PLXNA4: variants seen among roughly 807,000 people sequenced by gnomAD.
PLXNA4 encodes plexin A4, also known as plexin-A4.
In PLXNA4, 44 loss-of-function variants were observed where a neutral mutation model predicts 191.8. That is an observed-to-expected ratio of 0.23 (90% CI 0.18 to 0.29). The LOEUF is 0.29. PLXNA4 is among the 10% of genes least tolerant of loss of function. The pLI, the probability that PLXNA4 is intolerant of heterozygous loss-of-function variation, is 1.00. For synonymous variants in PLXNA4, 1,082 were observed against 1,009.5 expected, an observed-to-expected ratio of 1.07 and a Z score of -1.36; for missense variants, 1,800 against 2,488.8, an observed-to-expected ratio of 0.72 and a Z score of 5.89.
chr7:132,429,547 C>T (rs953528435), intron 3 of PLXNA4, among the ~76,000 whole-genome samples: 3 of 152,108 alleles, frequency 2.0e-5, no homozygotes, highest in African/African-American at 7.2e-5. Flanking sequence ...GACACTGTAA[C>T]TTGAATTTCA....
intron 3 of PLXNA4, among the ~76,000 whole-genome samples, chr7:132,299,125 T>G (rs1469368651): frequency 6.6e-6 from 1 of 152,218 alleles, no homozygotes; most frequent in Admixed American, 6.5e-5. Flanking sequence ...GCGCAGTCAG[T>G]GCTAAAAACA....
intron 3 of PLXNA4, among the ~76,000 whole-genome samples, chr7:132,333,773 T>A (rs549278146): frequency 6.6e-6 from 1 of 152,198 alleles, no homozygotes; most frequent in East Asian, 1.9e-4. Context: ...TTCCCAAGGG[T>A]CCTGTGGGGA....
At chr7:132,279,559 C>T (rs1036036005) in intron 4 of PLXNA4, among the ~76,000 whole-genome samples, 1 of 151,944 alleles carries the variant, frequency 6.6e-6, no homozygotes, top group Admixed American at 6.6e-5. Flanking sequence ...TGCTTGAGCC[C>T]GGTGGGGTTA....
intron 1 of PLXNA4, among the ~76,000 whole-genome samples, chr7:132,561,279 T>TTCCTCCTCCTCCTCCTTCTCC (rs1801028435): frequency 1.3e-5 from 2 of 150,880 alleles, no homozygotes; most frequent in Admixed American, 6.6e-5. Context: ...GATGCCCCTC[T>TTCCTCCTCCTCCTCCTTCTCC]TCCTCCTCCT....
intron 2 of PLXNA4, among the ~76,000 whole-genome samples, chr7:132,586,587 C>T (rs986172918): frequency 3.3e-5 from 5 of 152,102 alleles, no homozygotes; most frequent in African/African-American, 1.2e-4. Context: ...CCCTTCTGTA[C>T]TAAAAATACA....
At chr7:132,442,943 G>T (rs1317780109) in intron 3 of PLXNA4, among the ~76,000 whole-genome samples, 3 of 152,174 alleles carry the variant, frequency 2.0e-5, no homozygotes, top group Admixed American at 1.3e-4. Context: ...GCACCAGTAG[G>T]GTCCTATTGG....
chr7:132,340,005 A>C (rs553638213), intron 3 of PLXNA4, among the ~76,000 whole-genome samples: 4 of 152,198 alleles, frequency 2.6e-5, no homozygotes, highest in Non-Finnish European at 4.4e-5. Flanking sequence ...CTCACTCAGC[A>C]TCCCTGCCTA....
intron 15 of PLXNA4, 33 bp from the exon 16 acceptor site, chr7:132,185,496 T>C (rs371539068): frequency 5.0e-6 from 8 of 1,594,448 alleles, no homozygotes; most frequent in Non-Finnish European, 6.8e-6. Context: ...ACTGGGCGCC[T>C]GGTGTTGAGG....
intron 1 of PLXNA4, among the ~76,000 whole-genome samples, chr7:132,521,403 C>T (rs756920253): frequency 2.6e-5 from 4 of 152,190 alleles, no homozygotes; most frequent in South Asian, 2.1e-4. Context: ...ACATGTCATA[C>T]ATCATAAGGA....
At position 132,192,048 on chromosome 7, in the gene PLXNA4, T is replaced by C. The variant is rs1193984259; in HGVS notation, c.2856+2014A>G. Among the ~76,000 whole-genome samples, 3 of 152,250 alleles carry C rather than the reference T, an allele frequency of 2.0e-5. No homozygotes were observed. The East Asian group carries it at 5.8e-4, about 29-fold the overall frequency. ...TCTTCTAATTTTATGAATTCCTATGTGCATTCTGTGACAGCCAACTGCATC... is the reference window on the plus strand; with the variant it reads ...TCTTCTAATTTTATGAATTCCTATGCGCATTCTGTGACAGCCAACTGCATC... On this transcript the variant is annotated intron_variant, in intron 14 of 31. Transcript: ENST00000321063.
At chr7:132,394,874 G>T (rs192939074) in intron 3 of PLXNA4, among the ~76,000 whole-genome samples, 3 of 152,286 alleles carry the variant, frequency 2.0e-5, no homozygotes, top group South Asian at 2.1e-4. Context: ...TCTCTGCTTC[G>T]CCAGAATTCT....
At position 132,187,604 on chromosome 7, in the gene PLXNA4, G is replaced by T; in HGVS notation, c.2860C>A (p.Leu954Met). Reference sequence around the variant, plus strand: ...CTGGGCTTCAGATCTGAGAGAGTCAGTGTCTGTGTAGAAAGGATGTGGCCT... The same window carrying T: ...CTGGGCTTCAGATCTGAGAGAGTCATTGTCTGTGTAGAAAGGATGTGGCCT... ...RSSQLYYFMT[L>M]TLSDLKPSRG... The change falls in exon 15 of 32, where the codon CTG (leucine) becomes ATG (methionine). Residue 954 changes from leucine (L) to methionine (M), a missense_variant. This residue lies in a region of PLXNA4 where 1,397 missense variants were observed against 1,880.4 expected (regional missense o/e 0.74). Transcript: ENST00000321063. 6.2e-7 allele frequency: 1 copy of T among 1,612,694 alleles called. No individual in the cohort carries two copies. Among genetic ancestry groups the T allele is most frequent in the Non-Finnish European group, 8.5e-7 (1 of 1,179,300 alleles).
intron 22 of PLXNA4, among the ~76,000 whole-genome samples, chr7:132,167,858 GC>G (rs1477414826): frequency 6.6e-6 from 1 of 152,152 alleles, no homozygotes; most frequent in Non-Finnish European, 1.5e-5. Flanking sequence ...TTGTGATTCT[GC>G]TTTTCTAACA....
At chr7:132,192,608 CCATGA>C (rs1797128151) in intron 14 of PLXNA4, among the ~76,000 whole-genome samples, 2 of 152,026 alleles carry the variant, frequency 1.3e-5, no homozygotes, top group Non-Finnish European at 2.9e-5. Flanking sequence ...GCCAAACTCC[CCATGA>C]CATATTTCAG....
intron 4 of PLXNA4, among the ~76,000 whole-genome samples, chr7:132,284,728 C>T (rs1251357962): frequency 2.0e-5 from 3 of 152,196 alleles, no homozygotes; most frequent in Non-Finnish European, 4.4e-5. Flanking sequence ...CCAGAGGATA[C>T]ATGAGTGAGT....
intron 4 of PLXNA4, among the ~76,000 whole-genome samples, chr7:132,295,325 T>C (rs1801036814): frequency 1.3e-5 from 2 of 152,224 alleles, no homozygotes. Context: ...CATGTCTAAC[T>C]GCAGGCCAGG....
At chr7:132,231,426 T>C (rs1484552860) in intron 5 of PLXNA4, among the ~76,000 whole-genome samples, 1 of 152,322 alleles carries the variant, frequency 6.6e-6, no homozygotes, top group East Asian at 1.9e-4. Flanking sequence ...AATGAGTGTT[T>C]TTTATTTTTA....
rs371936622 is a variant in PLXNA4, at chr7:132,451,205, A to G, written c.1371+38087T>C. On this transcript the variant is annotated intron_variant, in intron 3 of 31. Coordinates refer to ENST00000321063, the MANE Select transcript of PLXNA4 (RefSeq NM_020911.2). ...ACCCTTCACAGCTGAGGCCTCATCC[A>G]CGCTGGTCCAGAAGTCTTCCCATCA... Among the ~76,000 whole-genome samples, 3 of 152,338 alleles carry G rather than the reference A, an allele frequency of 2.0e-5. No homozygotes were observed. In the East Asian group the frequency reaches 5.8e-4, roughly 29 times the overall value.
intron 4 of PLXNA4, among the ~76,000 whole-genome samples, chr7:132,261,145 C>T (rs996130281): frequency 6.6e-6 from 1 of 152,180 alleles, no homozygotes; most frequent in Admixed American, 6.5e-5. Flanking sequence ...TCTCACACGG[C>T]CAAATCTGAC....
Sources: allele counts gnomAD v4.1 joint callset (sites outside exome capture counted in the v4.1 genomes callset), GRCh38; gene constraint gnomAD v4.1.1; regional missense constraint gnomAD v4.1.1; transcripts MANE v1.5; gene names NCBI Gene and HGNC (gene_info 2026-07-23, HGNC 2026-07-21).